RNF215: variants seen among roughly 807,000 people sequenced by gnomAD.
The protein encoded by RNF215 is ring finger protein 215.
RNF215 carries 41 observed loss-of-function variants against 44.8 expected under a neutral mutation model. The observed-to-expected ratio is 0.92, with a 90% CI of 0.71 to 1.19. The LOEUF is 1.19. RNF215 is among the 50% of genes most tolerant of loss of function. The pLI is 0.00. For missense variants in RNF215, 452 were observed against 496.2 expected, an observed-to-expected ratio of 0.91 and a Z score of 0.85; for synonymous variants, 218 against 230.1, an observed-to-expected ratio of 0.95 and a Z score of 0.48.
At position 30,379,701 on chromosome 22, in the gene RNF215, T is replaced by G; in HGVS notation, c.1111+10A>C. 3 of 1,554,180 alleles carry G rather than the reference T, an allele frequency of 1.9e-6. No homozygotes were observed. Among genetic ancestry groups the G allele is most frequent in the Non-Finnish European group, 2.6e-6 (3 of 1,148,588 alleles). ...AGAGTAGGCCGAGGGACCCCACCCCTGGTGCTCACCCAGGACGTTGAATTT... is the reference window on the plus strand; with the variant it reads ...AGAGTAGGCCGAGGGACCCCACCCCGGGTGCTCACCCAGGACGTTGAATTT... On this transcript the variant is annotated intron_variant, in intron 8 of 8. Transcript: ENST00000382363.
intron 5 of RNF215, 110 bp downstream of exon 5, chr22:30,384,229 C>T (rs1052337091): frequency 5.4e-5 from 66 of 1,228,678 alleles, no homozygotes; most frequent in South Asian, 2.2e-4. Context: ...TGGGAAAGGC[C>T]GTCCTTGTCA....
chr22:30,382,090 G>A (rs148486036), intron 5 of RNF215, among the ~76,000 whole-genome samples: 2,108 of 152,300 alleles, frequency 0.014, 27 homozygotes, highest in Admixed American at 0.024. Context: ...ATCACTGCCT[G>A]GCAGAGAAGT....
At chr22:30,381,532 C>G (rs1320027539) in intron 5 of RNF215, among the ~76,000 whole-genome samples, 1 of 152,182 alleles carries the variant, frequency 6.6e-6, no homozygotes, top group Non-Finnish European at 1.5e-5. Flanking sequence ...CACGCTCCCT[C>G]CAGGTGCGCC....
chr22:30,379,952 C>T (rs1253046615), intron 7 of RNF215, 110 bp downstream of exon 7: 2 of 1,557,614 alleles, frequency 1.3e-6, no homozygotes, highest in East Asian at 4.5e-5. Context: ...TGCTCTGTGG[C>T]CCTGGGGGCT....
rs1318368719 is a variant in RNF215 at position 30,387,134 on chromosome 22, C to A, written c.180G>T (p.Val60=). The A allele has an allele frequency of 6.8e-7, 1 of 1,477,846 alleles. No homozygotes were observed. The allele number at this position is 1,477,846 out of a possible 1,614,324, so 91.5% of individuals were successfully genotyped here. The change falls in exon 1 of 9, where the codon GTG becomes GTT. Residue 60 remains valine (V), a synonymous_variant. Coordinates refer to ENST00000382363, the MANE Select transcript of RNF215 (RefSeq NM_001017981.2). ...GGCGCGGCAGTCTCACGTCCACCCG[C>A]ACGGCGCGGGCTCCGCCCCGCCCCG... ...AGAGRGGARA[V]RVDVRLPRQD...
At chr22:30,386,808 A>G in intron 1 of RNF215, 49 bp from the exon 2 acceptor site, 1 of 1,574,620 alleles carries the variant, frequency 6.4e-7, no homozygotes. Flanking sequence ...GTGGTGGGGG[A>G]GGGAGCCGGG....
intron 5 of RNF215, among the ~76,000 whole-genome samples, chr22:30,381,987 T>C (rs1438927842): frequency 6.6e-6 from 1 of 152,212 alleles, no homozygotes. Context: ...CTCTGGCCTA[T>C]CTGCTCTCCA....
chr22:30,380,430 T>G lies in RNF215; in HGVS notation c.745-29A>C. The G allele has an allele frequency of 6.3e-7, 1 of 1,578,438 alleles. No homozygotes were observed. The highest frequency in any genetic ancestry group is 8.6e-7 in the Non-Finnish European group (1 of 1,161,286). ...GGGAGGGAAGCAGTCATCAGGGACA[T>G]GGGGCCACCCCCACACGCCTCCCTT... On this transcript the variant is annotated intron_variant, in intron 5 of 8. Coordinates refer to ENST00000382363, the MANE Select transcript of RNF215 (RefSeq NM_001017981.2). This position sits in a 1 kb window ranked among gnomAD's most constrained non-coding sequence, Gnocchi z 5.3.
rs1933510420 is a variant in RNF215, at chr22:30,380,319, T to C, written c.827A>G (p.Gln276Arg). The change falls in exon 6 of 9, where the codon CAG becomes CGG. Residue 276 changes from glutamine (Q) to arginine (R), a missense_variant. By Grantham distance (43) the Gln-to-Arg change is conservative. Transcript: ENST00000382363. The surrounding 1 kb of genome is among the most constrained non-coding windows in gnomAD (Gnocchi z 5.3). Reference protein sequence around the residue: ...CTGLVVQAQRQASRQSQRELG... With the variant: ...CTGLVVQAQRRASRQSQRELG... ...CTCCCGCTGGCTCTGCCGCGACGCC[T>C]GCCGCTGGGCCTGGACCACGAGGCC... The C allele has an allele frequency of 6.2e-7, 1 of 1,611,240 alleles. No homozygotes were observed. Among genetic ancestry groups the C allele is most frequent in the African/African-American group, 1.3e-5 (1 of 74,830 alleles).
chr22:30,382,388 G>A (rs1933541389), intron 5 of RNF215, among the ~76,000 whole-genome samples: 1 of 146,194 alleles, frequency 6.8e-6, no homozygotes, highest in Non-Finnish European at 1.5e-5. Flanking sequence ...TGGGCAACAA[G>A]AGCGAAACTC....
intron 5 of RNF215, among the ~76,000 whole-genome samples, chr22:30,383,768 G>A (rs372542583): frequency 6.6e-6 from 1 of 152,192 alleles, no homozygotes; most frequent in African/African-American, 2.4e-5. Context: ...GCCCATGGAC[G>A]GCCTGACCAC....
chr22:30,385,259 A>G (rs1018750314), intron 4 of RNF215, among the ~76,000 whole-genome samples: 4 of 151,950 alleles, frequency 2.6e-5, no homozygotes, highest in African/African-American at 9.7e-5. Flanking sequence ...GTCTCTACTA[A>G]AAATACAAAA....
Position 30,386,642 on chromosome 22 carries a change from C to A in RNF215, c.403G>T (p.Ala135Ser). 1.2e-6 allele frequency: 2 copies of A among 1,613,214 alleles called. No homozygotes were observed. The highest frequency in any genetic ancestry group is 1.1e-5 in the South Asian group (1 of 91,074). ...TGCTGGACCAGGGCCTTGGGATAGG[C>A]CTGCGGGCCACTGCCCTTATTCTCC... The part of the protein sequence containing the change: ...HQENKGSGPQ[A>S]YPKALVQQMR... Residue 135 changes from alanine to serine, a missense_variant, in exon 2 of 9, where the codon GCC becomes TCC. Transcript: ENST00000382363.
rs1225396929 is a variant in RNF215 at position 30,379,791 on chromosome 22, T to C, written c.1031A>G (p.Lys344Arg). The change falls in exon 8 of 9, where the codon AAG becomes AGG. Residue 344 changes from lysine to arginine, a missense_variant. Lys to Arg is a conservative substitution (Grantham distance 26, BLOSUM62 2). Coordinates refer to ENST00000382363, the MANE Select transcript of RNF215 (RefSeq NM_001017981.2). ...CACACAGTCTCGGTGAAACTCGTGCTTACAGGGCAGCACCCGGAGCCACTA... is the reference window on the plus strand; with the variant it reads ...CACACAGTCTCGGTGAAACTCGTGCCTACAGGGCAGCACCCGGAGCCACTA... ...NKQWLRVLPC[K>R]HEFHRDCVDP... The C allele has an allele frequency of 5.1e-6, 8 of 1,570,752 alleles. No individual in the cohort carries two copies. The highest frequency in any genetic ancestry group is 6.9e-6 in the Non-Finnish European group (8 of 1,159,274).
rs967950582 is a variant in RNF215 at position 30,380,837 on chromosome 22, C to G, written c.745-436G>C. The stretch of plus-strand genomic sequence containing the variant: ...GCCCTGCCATCAGCCACTCACCCAT[C>G]CAGCCTGAATGTTCGCACCCCCCTG... On this transcript the variant is annotated intron_variant, in intron 5 of 8. Transcript: ENST00000382363. This position sits in a 1 kb window ranked among gnomAD's most constrained non-coding sequence, Gnocchi z 5.3. Among the ~76,000 whole-genome samples the G allele has an allele frequency of 2.0e-5, 3 of 152,192 alleles. No homozygotes were observed.
chr22:30,386,895 C>A (rs1186617562), intron 1 of RNF215, 134 bp downstream of exon 1: 25 of 1,471,772 alleles, frequency 1.7e-5, no homozygotes, highest in Non-Finnish European at 2.2e-5. Context: ...ATGCTGGGGG[C>A]CTGGGGAGCC....
rs1460937202 is a variant in RNF215, at chr22:30,378,910, C to T, written c.*690G>A. The stretch of plus-strand genomic sequence containing the variant: ...AAAAAAAAAAAAAAAAAAAGGATGC[C>T]CCTGGATGAGGCACCACATTGATCC... On this transcript the variant is annotated 3_prime_UTR_variant, in exon 9 of 9. Coordinates refer to ENST00000382363, the MANE Select transcript of RNF215 (RefSeq NM_001017981.2). The T allele has an allele frequency of 1.3e-5, 2 of 150,702 alleles. No homozygotes were observed. The highest frequency in any genetic ancestry group is 3.0e-5 in the Non-Finnish European group (2 of 67,668). The allele number at this position is 150,702 out of a possible 1,614,324, so 9.3% of individuals were successfully genotyped here. A position where few individuals can be genotyped will look rare whatever the true frequency, so the allele number is the denominator to read the frequency against.
At chr22:30,381,910 A>G (rs1933534793) in intron 5 of RNF215, among the ~76,000 whole-genome samples, 1 of 152,106 alleles carries the variant, frequency 6.6e-6, no homozygotes, top group Non-Finnish European at 1.5e-5. Flanking sequence ...GAGTGCCTTT[A>G]TCATGCCCTA....
In RNF215 at chr22:30,387,370, G is replaced by A. The variant is rs1175501305; in HGVS notation, c.-57C>T. ...GGCCAGGGGTCCCGGGCGCGGGGGG[G>A]ATCGGAGGGAGCGAGGCCGCTGCCG... is the stretch of plus-strand genomic sequence containing the variant. On this transcript the variant is annotated 5_prime_UTR_variant, in exon 1 of 9. Transcript: ENST00000382363. 2.0e-6 allele frequency: 2 copies of A among 1,023,610 alleles called. No individual in the cohort carries two copies. Among genetic ancestry groups the A allele is most frequent in the South Asian group, 4.5e-5 (1 of 22,346 alleles). The allele number at this position is 1,023,610 out of a possible 1,614,324, so 63.4% of individuals were successfully genotyped here.
Sources: gnomAD v4.1 joint callset for allele counts (sites outside exome capture counted in the v4.1 genomes callset) on GRCh38, gnomAD v4.1.1 for gene constraint, Gnocchi (gnomAD v3.1) non-coding constraint, MANE v1.5 for transcripts, NCBI Gene and HGNC (gene_info 2026-07-23, HGNC 2026-07-21) for gene names.